Variants in GABRG3 observed in about 807,000 individuals in gnomAD.
GABRG3 encodes the protein gamma-aminobutyric acid type A receptor subunit gamma3.
Under a neutral mutation model 48.8 loss-of-function variants are expected in GABRG3, and 25 were observed. That is an observed-to-expected ratio of 0.51 (90% CI 0.37 to 0.72). The LOEUF (loss-of-function observed/expected upper bound fraction) is 0.72, where lower values mean the gene tolerates loss of function less well. Among genes scored for constraint, GABRG3 ranks in the 30% least tolerant of loss-of-function variants. The pLI is 0.00. For synonymous variants in GABRG3, 227 were observed against 217.6 expected, an observed-to-expected ratio of 1.04 and a Z score of -0.38; for missense variants, 394 against 577.9, an observed-to-expected ratio of 0.68 and a Z score of 3.26.
intron 3 of GABRG3, among the ~76,000 whole-genome samples, chr15:27,240,382 T>C (rs1451479095): frequency 1.3e-5 from 2 of 152,170 alleles, no homozygotes; most frequent in African/African-American, 4.8e-5. Context: ...GAGCCTTGCT[T>C]GCCGACTCAG....
chr15:27,317,474 A>ATCAGCCAGAC (rs1893270591), intron 3 of GABRG3, among the ~76,000 whole-genome samples: 1 of 152,170 alleles, frequency 6.6e-6, no homozygotes, highest in Non-Finnish European at 1.5e-5. Flanking sequence ...TTTCTTCTTC[A>ATCAGCCAGAC]TCAGCCAGAC....
intron 3 of GABRG3, among the ~76,000 whole-genome samples, chr15:27,220,389 T>A (rs1889410666): frequency 6.6e-6 from 1 of 152,070 alleles, no homozygotes; most frequent in Admixed American, 6.6e-5. Flanking sequence ...GGAACCCTGG[T>A]GATTGTCATG....
At chr15:27,182,951 T>C (rs1269459337) in intron 3 of GABRG3, among the ~76,000 whole-genome samples, 2 of 152,144 alleles carry the variant, frequency 1.3e-5, no homozygotes, top group African/African-American at 2.4e-5. Context: ...TCAAGCCAAA[T>C]AGAGCGAAAA....
chr15:27,396,422 G>C (rs1887299080), intron 5 of GABRG3, among the ~76,000 whole-genome samples: 1 of 152,162 alleles, frequency 6.6e-6, no homozygotes. Flanking sequence ...ATAATCATTA[G>C]AGAATGGTGA....
At chr15:27,339,469 A>G (rs1894090478) in intron 5 of GABRG3, among the ~76,000 whole-genome samples, 1 of 152,120 alleles carries the variant, frequency 6.6e-6, no homozygotes, top group Admixed American at 6.5e-5. Context: ...CCTGTTTCAT[A>G]TGCTCCACCC....
chr15:26,980,075 C>A (rs976491706), intron 2 of GABRG3, among the ~76,000 whole-genome samples: 2 of 151,970 alleles, frequency 1.3e-5, no homozygotes, highest in African/African-American at 4.8e-5. Flanking sequence ...TGGTCCATTT[C>A]TTTAAAGTTG....
intron 5 of GABRG3, among the ~76,000 whole-genome samples, chr15:27,464,651 C>T (rs551512217): frequency 6.6e-6 from 1 of 152,308 alleles, no homozygotes; most frequent in South Asian, 2.1e-4. Context: ...AAATCCTAGC[C>T]ATCCTAGCGG....
intron 3 of GABRG3, among the ~76,000 whole-genome samples, chr15:27,184,177 A>G (rs955727590): frequency 6.6e-6 from 1 of 152,196 alleles, no homozygotes; most frequent in Non-Finnish European, 1.5e-5. Context: ...AGGGAAGGCA[A>G]ATTATGGGAA....
intron 5 of GABRG3, among the ~76,000 whole-genome samples, chr15:27,390,051 A>C (rs1360442903): frequency 6.6e-6 from 1 of 152,244 alleles, no homozygotes; most frequent in Non-Finnish European, 1.5e-5. Flanking sequence ...TAAGGGTATA[A>C]ATTTCCCATG....
intron 3 of GABRG3, among the ~76,000 whole-genome samples, chr15:27,210,716 G>A (rs1889051044): frequency 6.6e-6 from 1 of 152,202 alleles, no homozygotes; most frequent in Non-Finnish European, 1.5e-5. Flanking sequence ...CAGGGTGGGA[G>A]GTGTGGTGTT....
chr15:27,003,974 C>T lies in GABRG3; in HGVS notation c.203-22780C>T, dbSNP rs1191636250. ...CTCCTGGACGGGGCGGCTGGCCGGG[C>T]GGGGGGCTGACCCCCCACCTCCCTC... On this transcript the variant is annotated intron_variant, in intron 2 of 9. Coordinates refer to ENST00000615808, the MANE Select transcript of GABRG3 (RefSeq NM_033223.5). 2.2e-4 allele frequency among the ~76,000 whole-genome samples: 30 copies of T among 135,324 alleles called. 2 individuals are homozygous for T. The highest frequency in any genetic ancestry group is 5.1e-3 in the Middle Eastern group (1 of 198). 88.8% of individuals were successfully genotyped at this position (135,324 alleles called of 152,430 possible).
chr15:27,189,199 T>G (rs1428453098), intron 3 of GABRG3, among the ~76,000 whole-genome samples: 1 of 151,504 alleles, frequency 6.6e-6, no homozygotes, highest in East Asian at 1.9e-4. Flanking sequence ...TAGGATTGAC[T>G]TGGCGATGCG....
chr15:27,498,636 G>T (rs1890544725), intron 6 of GABRG3, among the ~76,000 whole-genome samples: 1 of 152,022 alleles, frequency 6.6e-6, no homozygotes, highest in African/African-American at 2.4e-5. Flanking sequence ...GACTACAGGT[G>T]CACGCCACCA....
intron 5 of GABRG3, among the ~76,000 whole-genome samples, chr15:27,430,525 T>C (rs1200680930): frequency 6.6e-6 from 1 of 152,212 alleles, no homozygotes; most frequent in Non-Finnish European, 1.5e-5. Context: ...GGTTTTATAG[T>C]TTTAACACTG....
chr15:27,056,147 G>A (rs1054409203), intron 3 of GABRG3, among the ~76,000 whole-genome samples: 7 of 151,852 alleles, frequency 4.6e-5, no homozygotes, highest in East Asian at 1.9e-4. Context: ...CCAGGAGTTC[G>A]AGATCAGCCT....
intron 3 of GABRG3, among the ~76,000 whole-genome samples, chr15:27,293,535 G>A (rs1483190012): frequency 2.6e-5 from 4 of 152,048 alleles, no homozygotes; most frequent in Non-Finnish European, 2.9e-5. Flanking sequence ...AATTAGCCAG[G>A]TGTGGTAGCG....
intron 3 of GABRG3, among the ~76,000 whole-genome samples, chr15:27,315,888 T>C (rs1893196352): frequency 6.6e-6 from 1 of 152,232 alleles, no homozygotes; most frequent in Non-Finnish European, 1.5e-5. Context: ...TCAAGCTACT[T>C]TATATCTTTG....
At chr15:27,016,964 C>G (rs1434649356) in intron 2 of GABRG3, among the ~76,000 whole-genome samples, 3 of 152,100 alleles carry the variant, frequency 2.0e-5, no homozygotes, top group Non-Finnish European at 2.9e-5. Flanking sequence ...GTTTCTGTCT[C>G]TTTTCTGATA....
At chr15:27,173,000 C>A (rs753564491) in intron 3 of GABRG3, among the ~76,000 whole-genome samples, 1 of 152,112 alleles carries the variant, frequency 6.6e-6, no homozygotes, top group Non-Finnish European at 1.5e-5. Context: ...TTGTACCCTG[C>A]GTCATTTGGG....
Sources: gnomAD v4.1 joint callset for allele counts (sites outside exome capture counted in the v4.1 genomes callset) on GRCh38, gnomAD v4.1.1 for gene constraint, MANE v1.5 for transcripts, NCBI Gene and HGNC (gene_info 2026-07-23, HGNC 2026-07-21) for gene names.